ABI3BP: variants seen among roughly 807,000 people sequenced by gnomAD.
ABI3BP encodes ABI family member 3 binding protein.
In ABI3BP, 216 loss-of-function variants were observed where a neutral mutation model predicts 268.6. That is an observed-to-expected ratio of 0.80 (90% CI 0.72 to 0.90). The LOEUF (loss-of-function observed/expected upper bound fraction) is 0.90. Ranked by LOEUF, ABI3BP falls within the 40% of genes least tolerant of loss-of-function variation. The probability of loss-of-function intolerance (pLI) is 0.00; values close to 1 mark genes in which losing one functional copy is unlikely to be tolerated. For synonymous variants in ABI3BP, 730 were observed against 730.0 expected (o/e 1.00, Z 0.00); for missense variants, 2,090 against 2,182.4 (o/e 0.96, Z 0.84).
Position 100,842,000 on chromosome 3 carries a change from AT to A in ABI3BP, c.1762del (p.Ile588Ter). 2.0e-6 allele frequency: 3 copies of A among 1,532,756 alleles called. No individual in the cohort carries two copies. Among genetic ancestry groups the A allele is most frequent in the Non-Finnish European group, 2.6e-6 (3 of 1,144,002 alleles). The allele number at this position is 1,532,756 out of a possible 1,614,324, so 94.9% of individuals were successfully genotyped here. On this transcript the variant is annotated frameshift_variant, in exon 21 of 68. Coordinates refer to ENST00000471714, the MANE Select transcript of ABI3BP (RefSeq NM_001375547.2). LOFTEE classifies it high-confidence loss of function. ...CTCATTAAAAAAAGCTTTATTACCT[AT>A]TGTTGACTGTGATGGCAGTAGAGTC... ...PQTLLPSQSTIGPETPGTKPS... is the reference protein window; with the variant it reads ...PQTLLPSQSTXGPETPGTKPS...
chr3:100,958,810 T>G (rs2077746400), intron 1 of ABI3BP, among the ~76,000 whole-genome samples: 1 of 152,230 alleles, frequency 6.6e-6, no homozygotes, highest in Non-Finnish European at 1.5e-5. Context: ...AAATGTAGAC[T>G]ATCATTCGAA....
intron 4 of ABI3BP, among the ~76,000 whole-genome samples, chr3:100,894,406 GCCT>G (rs2046179641): frequency 6.6e-6 from 1 of 152,012 alleles, no homozygotes; most frequent in South Asian, 2.1e-4. Flanking sequence ...TTTACTTGGG[GCCT>G]CCTATGTTCC....
At chr3:100,875,040 T>G in intron 8 of ABI3BP, 107 bp from the exon 9 acceptor site, 1 of 575,976 alleles carries the variant, frequency 1.7e-6, no homozygotes, top group Admixed American at 3.6e-5. Context: ...AGCACTTATT[T>G]TGCTTAGTAA....
At position 100,752,704 on chromosome 3, in the gene ABI3BP, C is replaced by CT. The variant is rs539206671; in HGVS notation, c.5122+82dup. The CT allele has an allele frequency of 3.2e-5, 48 of 1,487,346 alleles. No individual in the cohort carries two copies. In the African/African-American group the frequency reaches 4.3e-4, roughly 13 times the overall value. 92.1% of individuals were successfully genotyped at this position (1,487,346 alleles called of 1,614,324 possible). A position where few individuals can be genotyped will look rare whatever the true frequency, so the allele number is the denominator to read the frequency against. ...ACAGCACCCATTCGTGCCTGAAACT[C>CT]TTAAGAAAAGGCCAAGTTGTACAAT... is the stretch of plus-strand genomic sequence containing the variant. On this transcript the variant is annotated intron_variant, in intron 66 of 67. Transcript: ENST00000471714.
At chr3:100,850,513 T>C (rs2098825571) in intron 16 of ABI3BP, 147 bp downstream of exon 16, 2 of 619,328 alleles carry the variant, frequency 3.2e-6, no homozygotes, top group Non-Finnish European at 5.5e-6. Context: ...ATGACTGCAT[T>C]TAAAATATAT....
At chr3:100,923,698 C>A (rs2060957141) in intron 2 of ABI3BP, among the ~76,000 whole-genome samples, 1 of 151,886 alleles carries the variant, frequency 6.6e-6, no homozygotes, top group Non-Finnish European at 1.5e-5. Flanking sequence ...CTAATAAAAC[C>A]AATATATATG....
At chr3:100,985,318 T>TG (rs1358061234) in intron 1 of ABI3BP, among the ~76,000 whole-genome samples, 2 of 151,298 alleles carry the variant, frequency 1.3e-5, no homozygotes, top group East Asian at 3.9e-4. Context: ...CCCGGCTAAT[T>TG]TTTTGTATTT....
At chr3:100,753,534 C>A (rs1267194429) in intron 65 of ABI3BP, among the ~76,000 whole-genome samples, 1 of 151,986 alleles carries the variant, frequency 6.6e-6, no homozygotes, top group African/African-American at 2.4e-5. Context: ...TCAAGCAATC[C>A]TCCCACCTCA....
intron 2 of ABI3BP, among the ~76,000 whole-genome samples, chr3:100,925,291 G>A (rs1388441173): frequency 6.6e-6 from 1 of 152,164 alleles, no homozygotes; most frequent in Non-Finnish European, 1.5e-5. Context: ...TAACACCTCT[G>A]AAACTTATAG....
intron 62 of ABI3BP, 64 bp from the exon 63 acceptor site, chr3:100,766,013 A>G: frequency 1.6e-6 from 2 of 1,259,534 alleles, no homozygotes; most frequent in South Asian, 2.6e-5. Flanking sequence ...ATTGCTCCTG[A>G]AGCTAATAGC....
At chr3:100,879,080 G>A (rs182645895) in intron 6 of ABI3BP, among the ~76,000 whole-genome samples, 21 of 152,108 alleles carry the variant, frequency 1.4e-4, no homozygotes, top group African/African-American at 5.1e-4. Flanking sequence ...TAGTAACTAC[G>A]GTCACACTGC....
At chr3:100,876,402 C>CA (rs113298939) in intron 7 of ABI3BP, 110 bp downstream of exon 7, 14,061 of 935,944 alleles carry the variant, frequency 0.015, 523 homozygotes, top group African/African-American at 0.14. Flanking sequence ...AACTTTTTCT[C>CA]AAAAAAAAAA....
At chr3:100,980,321 C>T (rs543343537) in intron 1 of ABI3BP, among the ~76,000 whole-genome samples, 23 of 152,026 alleles carry the variant, frequency 1.5e-4, no homozygotes, top group Non-Finnish European at 2.8e-4. Flanking sequence ...AGGTCTGCCT[C>T]CCCGGTTCAC....
rs73864025 is a variant in ABI3BP at position 100,890,659 on chromosome 3, A to C, written c.462-4336T>G. ...CTTCTCCCACTTTCTTACCACTCAA[A>C]ATGTCTCTATTTCTTTGCAATCTGT... On this transcript the variant is annotated intron_variant, in intron 4 of 67. Coordinates refer to ENST00000471714, the MANE Select transcript of ABI3BP (RefSeq NM_001375547.2). Among the ~76,000 whole-genome samples, 932 of 152,184 alleles carry C rather than the reference A, an allele frequency of 6.1e-3. 13 individuals carry two copies. The highest frequency in any genetic ancestry group is 0.02 in the African/African-American group (846 of 41,538).
At chr3:100,879,831 G>A (rs9880062) in intron 6 of ABI3BP, among the ~76,000 whole-genome samples, 12,762 of 152,108 alleles carry the variant, frequency 0.084, 1,056 homozygotes, top group East Asian at 0.27. Flanking sequence ...AAATAGCTGC[G>A]TCTCTACAGG....
chr3:100,862,398 G>C lies in ABI3BP; in HGVS notation c.1211-13C>G. 1 of 1,539,718 alleles carries C rather than the reference G, an allele frequency of 6.5e-7. No individual in the cohort carries two copies. The highest frequency in any genetic ancestry group is 2.3e-5 in the East Asian group (1 of 43,676). Reference sequence around the variant, plus strand: ...TTTTCACTTGAAGCTATATTGAAAAGAAATGGAATTTGCTGAAGATTTTTT... The same window carrying C: ...TTTTCACTTGAAGCTATATTGAAAACAAATGGAATTTGCTGAAGATTTTTT... On this transcript the variant is annotated splice_polypyrimidine_tract_variant and intron_variant, in intron 13 of 67. Transcript: ENST00000471714.
chr3:100,841,914 A>C, intron 21 of ABI3BP, 84 bp downstream of exon 21: 5 of 1,217,486 alleles, frequency 4.1e-6, no homozygotes, highest in East Asian at 2.6e-5. Context: ...AAAAAAAAAA[A>C]AACAAAACCC....
chr3:100,760,277 C>T (rs140042661), intron 63 of ABI3BP, among the ~76,000 whole-genome samples: 8 of 152,288 alleles, frequency 5.3e-5, no homozygotes, highest in African/African-American at 1.9e-4. Context: ...GTCTGGCACA[C>T]ACAATGAATT....
At chr3:100,802,195 T>TA (rs2097552809) in intron 51 of ABI3BP, among the ~76,000 whole-genome samples, 2 of 152,204 alleles carry the variant, frequency 1.3e-5, no homozygotes, top group Admixed American at 6.5e-5. Flanking sequence ...CTGAAGAGTG[T>TA]GACTACACAT....
Sources: gnomAD v4.1 joint callset for allele counts (sites outside exome capture counted in the v4.1 genomes callset) on GRCh38, gnomAD v4.1.1 for gene constraint, MANE v1.5 for transcripts, NCBI Gene and HGNC (gene_info 2026-07-23, HGNC 2026-07-21) for gene names.